DOK6: variants seen among roughly 807,000 people sequenced by gnomAD.
The protein encoded by DOK6 is docking protein 6.
A neutral mutation model predicts 44.0 loss-of-function variants in DOK6; 22 were observed. The observed-to-expected ratio is 0.50, with a 90% CI of 0.36 to 0.71. DOK6 has a LOEUF of 0.71. Among genes scored for constraint, DOK6 ranks in the 30% least tolerant of loss-of-function variants. DOK6 has a pLI of 0.00. For synonymous variants in DOK6, 166 were observed against 145.5 expected (o/e 1.14, Z -1.01); for missense variants, 340 against 416.4 (o/e 0.82, Z 1.60).
chr18:69,612,553 G>A (rs1007571686), intron 3 of DOK6, among the ~76,000 whole-genome samples: 1 of 126,910 alleles, frequency 7.9e-6, no homozygotes, highest in East Asian at 2.5e-4. Flanking sequence ...TCACCCAACC[G>A]ACTCCTACAT....
chr18:69,809,490 G>T (rs181365752), intron 7 of DOK6, among the ~76,000 whole-genome samples: 37 of 150,432 alleles, frequency 2.5e-4, no homozygotes, highest in Non-Finnish European at 4.7e-4. Flanking sequence ...GAATTGAAAA[G>T]GAAGAAGTTA....
chr18:69,481,845 TA>T (rs1325526504), intron 1 of DOK6, among the ~76,000 whole-genome samples: 1 of 152,122 alleles, frequency 6.6e-6, no homozygotes, highest in Non-Finnish European at 1.5e-5. Flanking sequence ...ACCAACAGAG[TA>T]AAAGTGTTCC....
intron 3 of DOK6, among the ~76,000 whole-genome samples, chr18:69,625,177 C>T (rs1268092549): frequency 6.6e-6 from 1 of 152,046 alleles, no homozygotes; most frequent in Non-Finnish European, 1.5e-5. Flanking sequence ...AGTAGGTGAC[C>T]TAAGAATGCT....
intron 3 of DOK6, among the ~76,000 whole-genome samples, chr18:69,675,630 C>T (rs979511086): frequency 2.0e-5 from 3 of 152,000 alleles, no homozygotes; most frequent in Middle Eastern, 3.4e-3. Context: ...CAAACCTGCA[C>T]GTTGTGCACA....
At chr18:69,811,440 G>A (rs1344483849) in intron 7 of DOK6, among the ~76,000 whole-genome samples, 1 of 150,598 alleles carries the variant, frequency 6.6e-6, no homozygotes, top group Non-Finnish European at 1.5e-5. Flanking sequence ...ATTGCTGAGA[G>A]TGGATTTTAA....
At chr18:69,728,307 C>T (rs1978321524) in intron 5 of DOK6, among the ~76,000 whole-genome samples, 3 of 143,936 alleles carry the variant, frequency 2.1e-5, no homozygotes, top group Non-Finnish European at 4.6e-5. Flanking sequence ...ATACAAGTCT[C>T]ACCCAATGCT....
At chr18:69,584,439 T>C (rs1983450229) in intron 2 of DOK6, among the ~76,000 whole-genome samples, 1 of 152,002 alleles carries the variant, frequency 6.6e-6, no homozygotes, top group African/African-American at 2.4e-5. Flanking sequence ...ATTACAGCTG[T>C]GGCCACCAGC....
At chr18:69,609,851 G>C (rs1041221626) in intron 3 of DOK6, among the ~76,000 whole-genome samples, 7 of 152,164 alleles carry the variant, frequency 4.6e-5, no homozygotes, top group African/African-American at 1.7e-4. Context: ...TCTTTAAAAA[G>C]AAGGAAATTC....
chr18:69,801,391 T>G (rs1568130133), intron 7 of DOK6, among the ~76,000 whole-genome samples: 1 of 152,216 alleles, frequency 6.6e-6, no homozygotes, highest in East Asian at 1.9e-4. Flanking sequence ...TAATTAATTT[T>G]TAATGAATAG....
intron 1 of DOK6, among the ~76,000 whole-genome samples, chr18:69,535,383 G>C (rs997842671): frequency 6.6e-6 from 1 of 151,696 alleles, no homozygotes; most frequent in East Asian, 1.9e-4. Flanking sequence ...TTCATGTTAC[G>C]GTTGACTAAC....
intron 7 of DOK6, among the ~76,000 whole-genome samples, chr18:69,837,570 CA>C (rs74175394): frequency 9.2e-4 from 125 of 136,334 alleles, no homozygotes; most frequent in Middle Eastern, 3.7e-3. Flanking sequence ...AGGTGTTCAG[CA>C]AAAAAAAAAA....
chr18:69,701,232 A>G (rs1986512680), intron 5 of DOK6, among the ~76,000 whole-genome samples: 1 of 152,240 alleles, frequency 6.6e-6, no homozygotes, highest in South Asian at 2.1e-4. Context: ...CAGAAGGAGA[A>G]CAAGGACCAG....
At position 69,587,770 on chromosome 18, in the gene DOK6, A is replaced by AACACACACACACACACAC. The variant is rs138552349; in HGVS notation, c.175-11607_175-11590dup. ...GAGCATGTTATTAGATGTAAATTTA[A>AACACACACACACACACAC]ACACACACACACACACACACACACG... On this transcript the variant is annotated intron_variant, in intron 2 of 7. Coordinates refer to ENST00000382713, the MANE Select transcript of DOK6 (RefSeq NM_152721.6). Among the ~76,000 whole-genome samples the AACACACACACACACACAC allele has an allele frequency of 2.4e-3, 359 of 149,170 alleles. 2 individuals carry two copies. Among genetic ancestry groups the AACACACACACACACACAC allele is most frequent in the Non-Finnish European group, 3.5e-3 (235 of 67,256 alleles).
intron 4 of DOK6, among the ~76,000 whole-genome samples, chr18:69,694,633 A>G (rs1264508900): frequency 6.6e-6 from 1 of 152,076 alleles, no homozygotes; most frequent in Non-Finnish European, 1.5e-5. Flanking sequence ...GTAGTTTTAA[A>G]TCTTATATGA....
At chr18:69,585,996 A>G (rs1278544984) in intron 2 of DOK6, among the ~76,000 whole-genome samples, 1 of 152,236 alleles carries the variant, frequency 6.6e-6, no homozygotes, top group Non-Finnish European at 1.5e-5. Context: ...TCATGCCACC[A>G]GAACTTGATC....
chr18:69,554,165 A>T (rs1313634521), intron 1 of DOK6, among the ~76,000 whole-genome samples: 1 of 152,202 alleles, frequency 6.6e-6, no homozygotes, highest in Non-Finnish European at 1.5e-5. Flanking sequence ...TGGAGACTAA[A>T]ATGACTAAAT....
chr18:69,566,418 G>A lies in DOK6; in HGVS notation c.174+1824G>A, dbSNP rs145583112. ...CCCAAAGTGCTGGGATTACAGGCGCGAACCACCGCACCCGGCCCAGTTTAT... is the reference window on the plus strand; with the variant it reads ...CCCAAAGTGCTGGGATTACAGGCGCAAACCACCGCACCCGGCCCAGTTTAT... On this transcript the variant is annotated intron_variant, in intron 2 of 7. Transcript: ENST00000382713. Among the ~76,000 whole-genome samples, 938 of 152,204 alleles carry A rather than the reference G, an allele frequency of 6.2e-3. 7 individuals carry two copies. Among genetic ancestry groups the A allele is most frequent in the African/African-American group, 0.021 (870 of 41,506 alleles).
At chr18:69,471,551 G>A (rs957245303) in intron 1 of DOK6, 2 of 151,284 alleles carry the variant, frequency 1.3e-5, no homozygotes, top group Non-Finnish European at 2.9e-5. Context: ...TTTAAGCAGG[G>A]ATTTGTCCTT....
In DOK6 at chr18:69,738,977, A is replaced by G. The variant is rs750490621; in HGVS notation, c.612A>G (p.Thr204=). Residue 204 remains threonine, a synonymous_variant, in exon 6 of 8, where the codon ACA becomes ACG. Transcript: ENST00000382713. ...TCTATTCTCACAGAATGTGTGACACAGGAGAAGGACTATTCACTTTTCAAA... is the reference window on the plus strand; with the variant it reads ...TCTATTCTCACAGAATGTGTGACACGGGAGAAGGACTATTCACTTTTCAAA... ...FTFESGRMCD[T]GEGLFTFQTR... 40 of 1,613,840 alleles carry G rather than the reference A, an allele frequency of 2.5e-5. No individual in the cohort carries two copies. The South Asian group carries it at 4.1e-4, about 16-fold the overall frequency.
Sources: gnomAD v4.1 joint callset for allele counts (sites outside exome capture counted in the v4.1 genomes callset) on GRCh38, gnomAD v4.1.1 for gene constraint, MANE v1.5 for transcripts, NCBI Gene and HGNC (gene_info 2026-07-23, HGNC 2026-07-21) for gene names.